The following CDK14 variants were observed in gnomAD, a reference collection of about 807,000 sequenced individuals.
CDK14 encodes cyclin dependent kinase 14.
In CDK14, 34 loss-of-function variants were observed where a neutral mutation model predicts 60.7. That is an observed-to-expected ratio of 0.56 (90% CI 0.43 to 0.75). The LOEUF (loss-of-function observed/expected upper bound fraction) is 0.75. CDK14 is among the 30% of genes least tolerant of loss of function. CDK14 has a pLI of 0.00. For missense variants in CDK14, 482 were observed against 564.1 expected, an observed-to-expected ratio of 0.85 and a Z score of 1.47; for synonymous variants, 197 against 203.7, an observed-to-expected ratio of 0.97 and a Z score of 0.28.
chr7:91,004,069 AAATG>A (rs1316920895), intron 10 of CDK14, among the ~76,000 whole-genome samples: 2 of 152,236 alleles, frequency 1.3e-5, no homozygotes, highest in Admixed American at 1.3e-4. Context: ...GAAAGATTTA[AAATG>A]AATGATCTAT....
At chr7:90,803,623 A>G (rs540686107) in intron 5 of CDK14, among the ~76,000 whole-genome samples, 1 of 152,146 alleles carries the variant, frequency 6.6e-6, no homozygotes, top group Non-Finnish European at 1.5e-5. Flanking sequence ...AATGAGTTCA[A>G]TTAGTGAGTT....
intron 14 of CDK14, among the ~76,000 whole-genome samples, chr7:91,175,915 A>G (rs1201579485): frequency 4.1e-4 from 61 of 150,372 alleles, no homozygotes; most frequent in South Asian, 3.8e-3. Context: ...CAGAAAGTCA[A>G]CAAGGATACC....
At position 90,914,457 on chromosome 7, in the gene CDK14, A is replaced by G. The variant is rs573750445; in HGVS notation, c.703-3144A>G. ...TGAGTTCCTCAAGTCTAGGGACCAC[A>G]TCTTATATCTTATTCCTCTTGGCAT... On this transcript the variant is annotated intron_variant, in intron 7 of 14. Transcript: ENST00000380050. Among the ~76,000 whole-genome samples, 7 of 152,274 alleles carry G rather than the reference A, an allele frequency of 4.6e-5. No individual in the cohort carries two copies. The East Asian group carries it at 1.4e-3, about 29-fold the overall frequency.
chr7:91,054,142 A>G (rs1317676387), intron 11 of CDK14, among the ~76,000 whole-genome samples: 2 of 113,280 alleles, frequency 1.8e-5, no homozygotes, highest in South Asian at 2.6e-4. Context: ...TCTGCCTGCT[A>G]TCTCCTTTCC....
chr7:90,880,477 T>C (rs1791710002), intron 6 of CDK14, among the ~76,000 whole-genome samples: 1 of 152,158 alleles, frequency 6.6e-6, no homozygotes, highest in South Asian at 2.1e-4. Context: ...CCGCAGTCTC[T>C]GCGGACCAGC....
In CDK14 at chr7:91,147,180, A is replaced by T. The variant is rs866626131; in HGVS notation, c.*28+28972A>T. On this transcript the variant is annotated intron_variant, in intron 14 of 14. Coordinates refer to ENST00000380050, the MANE Select transcript of CDK14 (RefSeq NM_001287135.2). ...CTCTCTCTCACACACACACACACACACACACACACACACACACACACACAC... is the reference window on the plus strand; with the variant it reads ...CTCTCTCTCACACACACACACACACTCACACACACACACACACACACACAC... Among the ~76,000 whole-genome samples the T allele has an allele frequency of 7.1e-3, 757 of 107,176 alleles. 3 individuals carry two copies. Among genetic ancestry groups the T allele is most frequent in the Middle Eastern group, 0.016 (3 of 186 alleles). The allele number at this position is 107,176 out of a possible 152,430, so 70.3% of individuals were successfully genotyped here. A position where few individuals can be genotyped will look rare whatever the true frequency, so the allele number is the denominator to read the frequency against.
intron 10 of CDK14, among the ~76,000 whole-genome samples, chr7:91,022,149 A>G (rs974196577): frequency 7.2e-5 from 11 of 152,118 alleles, no homozygotes; most frequent in African/African-American, 2.7e-4. Context: ...AGGCTGAGGG[A>G]CTGTGTGTAG....
chr7:90,901,682 A>ATG (rs978407698), intron 7 of CDK14, among the ~76,000 whole-genome samples: 1 of 148,214 alleles, frequency 6.7e-6, no homozygotes, highest in Non-Finnish European at 1.5e-5. Context: ...ATGTATATAT[A>ATG]TATATATACA....
rs148650069 is a variant in CDK14, at chr7:91,061,952, T to C, written c.1105+15992T>C. ...TGTCAGACAAGGACATTTAAGTCTG[T>C]AGAGGTTTCTGCTGCCTTTTGTTTG... On this transcript the variant is annotated intron_variant, in intron 11 of 14. Coordinates refer to ENST00000380050, the MANE Select transcript of CDK14 (RefSeq NM_001287135.2). 2.0e-3 allele frequency among the ~76,000 whole-genome samples: 301 copies of C among 152,324 alleles called. 4 individuals are homozygous for C. The highest frequency in any genetic ancestry group is 6.5e-4 in the Non-Finnish European group (44 of 68,024).
chr7:90,745,067 T>C (rs768194291), intron 3 of CDK14, among the ~76,000 whole-genome samples: 45 of 152,360 alleles, frequency 3.0e-4, no homozygotes, highest in South Asian at 6.2e-4. Flanking sequence ...TATATCAATT[T>C]ACTGATTACC....
intron 14 of CDK14, among the ~76,000 whole-genome samples, chr7:91,197,003 A>G (rs983653818): frequency 5.9e-5 from 9 of 152,178 alleles, no homozygotes; most frequent in Non-Finnish European, 1.2e-4. Context: ...TTTTTATAAT[A>G]AACTTGGAAG....
At chr7:91,046,831 G>A (rs971664380) in intron 11 of CDK14, among the ~76,000 whole-genome samples, 2 of 152,058 alleles carry the variant, frequency 1.3e-5, no homozygotes, top group Admixed American at 1.3e-4. Context: ...ATCTGTTAGA[G>A]GAGCCAAGTG....
chr7:90,862,426 T>G (rs76012682), intron 5 of CDK14, among the ~76,000 whole-genome samples: 18,897 of 152,160 alleles, frequency 0.12, 1,419 homozygotes, highest in Middle Eastern at 0.24. Flanking sequence ...AGGACATTAC[T>G]TATTGATAAA....
chr7:91,024,965 C>T (rs1049740172), intron 10 of CDK14, among the ~76,000 whole-genome samples: 16 of 152,138 alleles, frequency 1.1e-4, no homozygotes, highest in Admixed American at 2.0e-4. Flanking sequence ...CAAATGCGAT[C>T]CAGCCAGTTC....
At chr7:90,804,048 T>C (rs190543972) in intron 5 of CDK14, among the ~76,000 whole-genome samples, 1 of 152,336 alleles carries the variant, frequency 6.6e-6, no homozygotes, top group Admixed American at 6.5e-5. Context: ...TGTATTCTAT[T>C]ATATGGCCTT....
intron 5 of CDK14, among the ~76,000 whole-genome samples, chr7:90,819,400 A>G (rs528266596): frequency 9.9e-5 from 15 of 152,014 alleles, no homozygotes; most frequent in African/African-American, 3.6e-4. Flanking sequence ...AAATATACAC[A>G]TTGACACATT....
chr7:90,639,676 AGAGG>A (rs1800267703), intron 2 of CDK14, among the ~76,000 whole-genome samples: 3 of 131,176 alleles, frequency 2.3e-5, no homozygotes, highest in Non-Finnish European at 4.8e-5. Context: ...AGACAGGGAC[AGAGG>A]TTACTGCTGT....
intron 10 of CDK14, among the ~76,000 whole-genome samples, chr7:91,029,207 T>A (rs1314187184): frequency 1.3e-5 from 2 of 152,182 alleles, no homozygotes; most frequent in Non-Finnish European, 2.9e-5. Flanking sequence ...TTTTATACTT[T>A]TGGTTACTAT....
At chr7:90,888,819 C>T (rs943935804) in intron 6 of CDK14, among the ~76,000 whole-genome samples, 6 of 152,082 alleles carry the variant, frequency 3.9e-5, no homozygotes, top group African/African-American at 1.4e-4. Context: ...CATTCTCATT[C>T]CTCTAAAAAA....
Sources: gnomAD v4.1 joint callset for allele counts (sites outside exome capture counted in the v4.1 genomes callset) on GRCh38, gnomAD v4.1.1 for gene constraint, MANE v1.5 for transcripts, NCBI Gene and HGNC (gene_info 2026-07-23, HGNC 2026-07-21) for gene names.